The following DOCK9 variants were observed in gnomAD, a reference collection of about 807,000 sequenced individuals.
The protein encoded by DOCK9 is dedicator of cytokinesis protein 9.
In DOCK9, 89 loss-of-function variants were observed where a neutral mutation model predicts 263.3. That is an observed-to-expected ratio of 0.34 (90% CI 0.28 to 0.40). DOCK9 has a LOEUF of 0.40. Among genes scored for constraint, DOCK9 ranks in the 10% least tolerant of loss-of-function variants. The pLI is 1.00. For missense variants in DOCK9, 2,140 were observed against 2,603.4 expected (o/e 0.82, Z 3.87); for synonymous variants, 976 against 973.1 (o/e 1.00, Z -0.06).
chr13:99,014,560 C>G (rs1303696964), intron 1 of DOCK9, among the ~76,000 whole-genome samples: 1 of 152,210 alleles, frequency 6.6e-6, no homozygotes, highest in African/African-American at 2.4e-5. Context: ...TGCCAATACC[C>G]CCTTCTCAGT....
intron 45 of DOCK9, among the ~76,000 whole-genome samples, chr13:98,812,465 G>A (rs1428753321): frequency 6.6e-6 from 1 of 151,130 alleles, no homozygotes; most frequent in Non-Finnish European, 1.5e-5. Flanking sequence ...AAATTTGGCT[G>A]AGAATTCATT....
chr13:98,859,351 G>C (rs2093788802), intron 33 of DOCK9: 2 of 152,162 alleles, frequency 1.3e-5, no homozygotes, highest in African/African-American at 4.8e-5. Flanking sequence ...GTCAACTAAG[G>C]AGAGCATAAC....
intron 1 of DOCK9, among the ~76,000 whole-genome samples, chr13:98,988,071 T>C (rs995438670): frequency 6.6e-6 from 1 of 152,188 alleles, no homozygotes; most frequent in Non-Finnish European, 1.5e-5. Context: ...AAAATTTTCC[T>C]TTAAAAGTAT....
intron 2 of DOCK9, among the ~76,000 whole-genome samples, chr13:98,947,047 C>T (rs2140763690): frequency 6.6e-6 from 1 of 152,332 alleles, no homozygotes; most frequent in East Asian, 1.9e-4. Context: ...CCTTTTTAAA[C>T]ACTTCTCTCA....
intron 1 of DOCK9, among the ~76,000 whole-genome samples, chr13:98,958,980 A>G (rs574941709): frequency 3.0e-4 from 46 of 152,340 alleles, no homozygotes; most frequent in African/African-American, 1.1e-3. Context: ...TAATGAAAGG[A>G]TGCAATGTTG....
At chr13:98,927,974 T>A (rs1324979) in intron 3 of DOCK9, among the ~76,000 whole-genome samples, 93,518 of 146,712 alleles carry the variant, frequency 0.64, 30,408 homozygotes, top group Middle Eastern at 0.78. Context: ...ATTATGTTCA[T>A]ATATTTATAA....
At chr13:98,999,316 A>ACACACACACTCTCTCTCTCT in intron 1 of DOCK9, among the ~76,000 whole-genome samples, 24 of 138,370 alleles carry the variant, frequency 1.7e-4, no homozygotes, top group African/African-American at 6.2e-4. Flanking sequence ...ACACACACAC[A>ACACACACACTCTCTCTCTCT]CTCTCTCTCT....
rs563767597 is a variant in DOCK9, at chr13:99,053,638, A to G, written c.129+32585T>C. 5.9e-5 allele frequency among the ~76,000 whole-genome samples: 9 copies of G among 152,298 alleles called. No homozygotes were observed. The South Asian group carries it at 1.4e-3, about 25-fold the overall frequency. ...AGACCCTTGTACAAAAGAATTAAAG[A>G]AATTAAAACCGGGAACCAGGTTTCA... On this transcript the variant is annotated intron_variant, in intron 1 of 32. Transcript: ENST00000427887.
chr13:98,848,581 C>T lies in DOCK9; in HGVS notation c.4061+11G>A, dbSNP rs758848401. 23 of 1,610,118 alleles carry T rather than the reference C, an allele frequency of 1.4e-5. No homozygotes were observed. Among genetic ancestry groups the T allele is most frequent in the Non-Finnish European group, 1.8e-5 (21 of 1,178,540 alleles). Reference sequence around the variant, plus strand: ...AAACAACACGTTTCGAATGAAAACGCCCCACAGTACCTGGCTATGTATCGC... The same window carrying T: ...AAACAACACGTTTCGAATGAAAACGTCCCACAGTACCTGGCTATGTATCGC... On this transcript the variant is annotated intron_variant, in intron 37 of 52. Coordinates refer to ENST00000682017, the MANE Select transcript of DOCK9 (RefSeq NM_001366683.2).
intron 1 of DOCK9, among the ~76,000 whole-genome samples, chr13:99,069,023 T>C (rs2041555166): frequency 6.6e-6 from 1 of 152,356 alleles, no homozygotes; most frequent in South Asian, 2.1e-4. Context: ...TTGAACCAAA[T>C]TGTCATTTAC....
intron 9 of DOCK9, among the ~76,000 whole-genome samples, chr13:98,909,557 T>C (rs911266573): frequency 1.3e-5 from 2 of 152,162 alleles, no homozygotes; most frequent in African/African-American, 4.8e-5. Context: ...ATATATAATC[T>C]TTAATTTAAA....
chr13:98,906,524 G>C (rs777969189), intron 9 of DOCK9, among the ~76,000 whole-genome samples: 2 of 152,086 alleles, frequency 1.3e-5, no homozygotes, highest in Admixed American at 6.5e-5. Flanking sequence ...TAAGTCTATG[G>C]AGTCGGAATA....
intron 1 of DOCK9, among the ~76,000 whole-genome samples, chr13:99,046,116 C>A (rs1288057024): frequency 2.2e-5 from 3 of 139,202 alleles, no homozygotes; most frequent in African/African-American, 2.6e-5. Context: ...AAAAAAAAAA[C>A]CAGCATCACT....
chr13:98,879,848 A>C, intron 27 of DOCK9, 50 bp downstream of exon 27: 2 of 1,480,382 alleles, frequency 1.4e-6, no homozygotes, highest in Non-Finnish European at 1.8e-6. Flanking sequence ...AAGCAATGAA[A>C]GAGATTTCTT....
intron 27 of DOCK9, among the ~76,000 whole-genome samples, chr13:98,876,132 C>T (rs2043805170): frequency 6.6e-6 from 1 of 152,138 alleles, no homozygotes; most frequent in African/African-American, 2.4e-5. Context: ...CACTATCTGG[C>T]TGTTATGAAT....
chr13:98,879,750 T>A, intron 27 of DOCK9, 148 bp downstream of exon 27: 1 of 584,848 alleles, frequency 1.7e-6, no homozygotes, highest in Non-Finnish European at 2.9e-6. Context: ...AAAGCGTTGT[T>A]ATGAAGCTAA....
intron 45 of DOCK9, among the ~76,000 whole-genome samples, chr13:98,814,030 G>GT (rs905754103): frequency 6.6e-6 from 1 of 152,214 alleles, no homozygotes; most frequent in African/African-American, 2.4e-5. Context: ...GGCAAGGCCT[G>GT]TGTTTTTCAT....
intron 33 of DOCK9, 56 bp from the exon 34 acceptor site, chr13:98,856,087 T>C: frequency 3.2e-6 from 5 of 1,584,930 alleles, no homozygotes; most frequent in Non-Finnish European, 4.3e-6. Flanking sequence ...AAAATAAAGA[T>C]GAGTACTGAA....
At chr13:98,979,749 A>G (rs890603396), upstream of DOCK9, among the ~76,000 whole-genome samples, 6 of 152,182 alleles carry the variant, frequency 3.9e-5, no homozygotes, top group East Asian at 3.8e-4. Flanking sequence ...GTAAAGTTAC[A>G]ACAGAAAAAA....
Sources: allele counts gnomAD v4.1 joint callset (sites outside exome capture counted in the v4.1 genomes callset), GRCh38; gene constraint gnomAD v4.1.1; transcripts MANE v1.5; gene names NCBI Gene and HGNC (gene_info 2026-07-23, HGNC 2026-07-21).